ZNF600: variants seen among roughly 807,000 people sequenced by gnomAD.
ZNF600 encodes zinc finger protein KR-ZNF1.
In ZNF600, 4 loss-of-function variants were observed where a neutral mutation model predicts 7.3. The ratio of observed to expected loss-of-function variants is 0.55; its 90% CI spans 0.27 to 1.25. The LOEUF is 1.25. Ranked by LOEUF, ZNF600 falls within the 50% of genes most tolerant of loss-of-function variation. The probability of loss-of-function intolerance (pLI) is 0.12; values close to 1 mark genes in which losing one functional copy is unlikely to be tolerated. For missense variants in ZNF600, 911 were observed against 922.1 expected, an observed-to-expected ratio of 0.99 and a Z score of 0.16; for synonymous variants, 290 against 308.9, an observed-to-expected ratio of 0.94 and a Z score of 0.64.
At chr19:52,802,727 T>C in the ZNF600 span, among the ~76,000 whole-genome samples, 3 of 151,414 alleles carry the variant, frequency 2.0e-5, no homozygotes, top group African/African-American at 7.3e-5. Flanking sequence ...TGTTACAAAA[T>C]TACCTATATC....
intron 1 of ZNF600, among the ~76,000 whole-genome samples, chr19:52,780,362 C>A (rs2062710243): frequency 6.6e-6 from 1 of 152,106 alleles, no homozygotes; most frequent in South Asian, 2.1e-4. Context: ...GAAAGAAAGG[C>A]TGCTTGTCAC....
At chr19:52,782,042 CAG>C (rs1175288933) in intron 1 of ZNF600, among the ~76,000 whole-genome samples, 3 of 152,020 alleles carry the variant, frequency 2.0e-5, no homozygotes, top group Admixed American at 6.6e-5. Context: ...GCCTGGGTGA[CAG>C]AGAGTCTCAA....
the ZNF600 span, among the ~76,000 whole-genome samples, chr19:52,796,283 T>G: frequency 2.0e-5 from 3 of 151,982 alleles, no homozygotes; most frequent in Non-Finnish European, 4.4e-5. Flanking sequence ...GTGCCCAAGG[T>G]GTTGAGGCTG....
chr19:52,771,371 C>T (rs2062628919), intron 3 of ZNF600, among the ~76,000 whole-genome samples: 1 of 144,198 alleles, frequency 6.9e-6, no homozygotes, highest in African/African-American at 2.9e-5. Flanking sequence ...TGTCATGCTT[C>T]ATCACCCAGG....
chr19:52,808,109 C>T, the ZNF600 span: 135 of 1,613,184 alleles, frequency 8.4e-5, no homozygotes, highest in Non-Finnish European at 8.8e-5. Flanking sequence ...AATTCTATGG[C>T]CACGTCCCTG....
intron 1 of ZNF600, among the ~76,000 whole-genome samples, chr19:52,785,657 A>C: frequency 6.6e-6 from 1 of 151,364 alleles, no homozygotes; most frequent in South Asian, 2.1e-4. Flanking sequence ...CTCCCTATTA[A>C]ATTCTCTCTT....
chr19:52,801,917 T>C, the ZNF600 span, among the ~76,000 whole-genome samples: 1 of 152,176 alleles, frequency 6.6e-6, no homozygotes, highest in East Asian at 1.9e-4. Flanking sequence ...TCCTATATCA[T>C]GACAAAACAC....
At chr19:52,771,733 C>A (rs906437516) in intron 3 of ZNF600, among the ~76,000 whole-genome samples, 10 of 152,172 alleles carry the variant, frequency 6.6e-5, no homozygotes, top group African/African-American at 2.4e-4. Context: ...CCGTCTTTGC[C>A]TCCCAAATTT....
chr19:52,768,555 A>G (rs2062607511), intron 3 of ZNF600, among the ~76,000 whole-genome samples: 2 of 151,756 alleles, frequency 1.3e-5, no homozygotes, highest in African/African-American at 4.8e-5. Flanking sequence ...AAATTTTTGT[A>G]TTTTTATTTT....
chr19:52,784,168 A>C (rs375798985), intron 1 of ZNF600, among the ~76,000 whole-genome samples: 7 of 152,126 alleles, frequency 4.6e-5, no homozygotes, highest in African/African-American at 1.7e-4. Context: ...ACAGGAGGAA[A>C]CTTTGAGCCC....
rs76371964 is a variant in ZNF600, at chr19:52,774,849, T to C, written c.64-148A>G. 1.1e-3 allele frequency: 1,102 copies of C among 962,106 alleles called. 18 individuals are homozygous for C. The African/African-American group carries it at 0.018, about 16-fold the overall frequency. The allele number at this position is 962,106 out of a possible 1,614,324, so 59.6% of individuals were successfully genotyped here. A position where few individuals can be genotyped will look rare whatever the true frequency, so the allele number is the denominator to read the frequency against. On this transcript the variant is annotated intron_variant, in intron 2 of 3. Transcript: ENST00000648973. ...ATTTTGAATATTTTTTCCCTATAGT[T>C]GCATTTTATTGTACTTTTCTTTGAA... is the stretch of plus-strand genomic sequence containing the variant.
At chr19:52,765,475 G>A (rs576524095) in exon 4 of ZNF600, 122 of 1,480,060 alleles carry the variant, frequency 8.2e-5, no homozygotes, top group Non-Finnish European at 1.0e-4. Context: ...TATGAATGAT[G>A]TCTGAAAAAT....
chr19:52,820,108 C>CAT, the ZNF600 span, among the ~76,000 whole-genome samples: 1 of 120,326 alleles, frequency 8.3e-6, no homozygotes, highest in African/African-American at 3.6e-5. Flanking sequence ...TATTTAACCT[C>CAT]TTTTTTTTTT....
At chr19:52,799,894 C>T in the ZNF600 span, 41 of 1,613,586 alleles carry the variant, frequency 2.5e-5, no homozygotes, top group East Asian at 1.3e-4. Flanking sequence ...TGATGGTATA[C>T]GAGGGATGAC....
the ZNF600 span, among the ~76,000 whole-genome samples, chr19:52,804,370 C>A: frequency 4.6e-5 from 7 of 152,096 alleles, no homozygotes; most frequent in African/African-American, 1.7e-4. Context: ...ATTCTCCTAC[C>A]TCAAGTGATT....
chr19:52,825,973 C>T, the ZNF600 span, among the ~76,000 whole-genome samples: 1 of 152,108 alleles, frequency 6.6e-6, no homozygotes, highest in Non-Finnish European at 1.5e-5. Context: ...GGGTGACAGG[C>T]ACATTCATCA....
rs769025975 is a variant in ZNF600, at chr19:52,767,013, C to G, written c.950G>C (p.Cys317Ser). Residue 317 changes from cysteine (C) to serine (S), a missense_variant, in exon 4 of 4, where the codon TGT becomes TCT. Transcript: ENST00000648973. ...ACCAAAGATCTTGCCACACTCATTA[C>G]ACTTGTGAGATTTTACTGCAGTGTG... The G allele has an allele frequency of 2.5e-6, 4 of 1,614,030 alleles. No homozygotes were observed. In the African/African-American group the frequency reaches 4.0e-5, roughly 16 times the overall value.
chr19:52,828,115 G>A, the ZNF600 span, among the ~76,000 whole-genome samples: 33 of 151,656 alleles, frequency 2.2e-4, no homozygotes, highest in Middle Eastern at 6.8e-3. Flanking sequence ...AAAATGGCGC[G>A]ATCTCACCTA....
rs1429395748 is a variant in ZNF600, at chr19:52,765,565, A to G, written c.*22T>C. ...TTTGCAATGGTTGTAGCGTTACTGAAGACTTTGTGACAATCATTACATTAG... is the reference window on the plus strand; with the variant it reads ...TTTGCAATGGTTGTAGCGTTACTGAGGACTTTGTGACAATCATTACATTAG... On this transcript the variant is annotated 3_prime_UTR_variant, in exon 4 of 4. Transcript: ENST00000648973. 4 of 1,613,752 alleles carry G rather than the reference A, an allele frequency of 2.5e-6. No homozygotes were observed. In the South Asian group the frequency reaches 4.4e-5, roughly 18 times the overall value.
Sources: gnomAD v4.1 joint callset for allele counts (sites outside exome capture counted in the v4.1 genomes callset) on GRCh38, gnomAD v4.1.1 for gene constraint, MANE v1.5 for transcripts, NCBI Gene and HGNC (gene_info 2026-07-23, HGNC 2026-07-21) for gene names.